Variants in UTP20 observed in about 807,000 individuals in gnomAD.
UTP20 encodes UTP20 small subunit processome component.
UTP20 carries 164 observed loss-of-function variants against 329.5 expected under a neutral mutation model. The ratio of observed to expected loss-of-function variants is 0.50; its 90% CI spans 0.44 to 0.57. The LOEUF (loss-of-function observed/expected upper bound fraction) is 0.57, where lower values mean the gene tolerates loss of function less well. Ranked by LOEUF, UTP20 falls within the 20% of genes least tolerant of loss-of-function variation. The probability of loss-of-function intolerance (pLI) is 0.00; values close to 1 mark genes in which losing one functional copy is unlikely to be tolerated. For synonymous variants in UTP20, 1,151 were observed against 1,159.3 expected (o/e 0.99, Z 0.14); for missense variants, 3,055 against 3,284.2 (o/e 0.93, Z 1.71).
intron 17 of UTP20, 109 bp from the exon 18 acceptor site, chr12:101,308,076 T>G: frequency 1.1e-6 from 1 of 948,936 alleles, no homozygotes; most frequent in Middle Eastern, 3.0e-4. Context: ...ATTAAAAATA[T>G]TAACATATTC....
chr12:101,334,521 T>C lies in UTP20; in HGVS notation c.3641+17T>C. ...AAACGCAAGGTATAACCTTTCTTTT[T>C]TCCTTCTTTAAAAAGGGCAGTGTTT... On this transcript the variant is annotated intron_variant, in intron 29 of 61. Coordinates refer to ENST00000261637, the MANE Select transcript of UTP20 (RefSeq NM_014503.3). 6.2e-7 allele frequency: 1 copy of C among 1,602,504 alleles called. No individual in the cohort carries two copies. Among genetic ancestry groups the C allele is most frequent in the Non-Finnish European group, 8.5e-7 (1 of 1,176,846 alleles).
At chr12:101,363,156 CTAA>C (rs200838969) in intron 44 of UTP20, among the ~76,000 whole-genome samples, 1 of 101,988 alleles carries the variant, frequency 9.8e-6, no homozygotes, top group Non-Finnish European at 1.5e-5. Context: ...ATTAATTAGA[CTAA>C]TAATTAATTA....
At chr12:101,310,747 A>G (rs1048824472) in intron 19 of UTP20, among the ~76,000 whole-genome samples, 4 of 152,022 alleles carry the variant, frequency 2.6e-5, no homozygotes, top group Non-Finnish European at 5.9e-5. Context: ...TTCTTACTTG[A>G]CAGAATAAGA....
At chr12:101,302,381 A>G (rs1872542604) in intron 14 of UTP20, 67 bp from the exon 15 acceptor site, 1 of 903,616 alleles carries the variant, frequency 1.1e-6, no homozygotes, top group African/African-American at 1.7e-5. Context: ...TCAATAAATA[A>G]GGTGTTTGAT....
chr12:101,318,389 C>A (rs1382608770), intron 22 of UTP20, among the ~76,000 whole-genome samples: 1 of 152,166 alleles, frequency 6.6e-6, no homozygotes, highest in Non-Finnish European at 1.5e-5. Flanking sequence ...ATTAGTTCAT[C>A]CATTCAACAA....
chr12:101,374,007 G>A (rs1193012944), intron 54 of UTP20, among the ~76,000 whole-genome samples: 2 of 151,964 alleles, frequency 1.3e-5, no homozygotes, highest in African/African-American at 2.4e-5. Flanking sequence ...AGGCCGAGGC[G>A]GGCGGATCAC....
chr12:101,280,259 G>A lies in UTP20; in HGVS notation c.-24G>A. On this transcript the variant is annotated 5_prime_UTR_variant, in exon 1 of 62. Coordinates refer to ENST00000261637, the MANE Select transcript of UTP20 (RefSeq NM_014503.3). ...TCCCTTCGACACTCCCGAGGCCGTC[G>A]CGGGCCACTGGCCCTCTGCAGCCAT... is the stretch of plus-strand genomic sequence containing the variant. 1 of 1,551,636 alleles carries A rather than the reference G, an allele frequency of 6.4e-7. No homozygotes were observed. Among genetic ancestry groups the A allele is most frequent in the African/African-American group, 1.4e-5 (1 of 73,176 alleles).
At chr12:101,349,174 T>C (rs983156402) in intron 38 of UTP20, among the ~76,000 whole-genome samples, 2 of 152,086 alleles carry the variant, frequency 1.3e-5, no homozygotes, top group African/African-American at 4.8e-5. Context: ...TGTTTTGTTT[T>C]GTTTTTTTGT....
At position 101,356,604 on chromosome 12, in the gene UTP20, T is replaced by A; in HGVS notation, c.5445T>A (p.Asp1815Glu). The A allele has an allele frequency of 6.2e-7, 1 of 1,613,918 alleles. No homozygotes were observed. The highest frequency in any genetic ancestry group is 8.5e-7 in the Non-Finnish European group (1 of 1,179,874). ...HKLVKSKVVN[D>E]EEVVRVPLAF... ...TTGTCAAGTCAAAGGTTGTGAATGA[T>A]GAGGAAGTCGTTCGAGTTCCATTAG... The change falls in exon 42 of 62, where the codon GAT (aspartate) becomes GAA (glutamate). Residue 1815 changes from aspartate to glutamate, a missense_variant. Asp to Glu is a conservative substitution (Grantham distance 45). Coordinates refer to ENST00000261637, the MANE Select transcript of UTP20 (RefSeq NM_014503.3).
Position 101,344,674 on chromosome 12 carries a change from C to CAGAGAA in UTP20, c.4533_4538dup (p.Glu1511_Lys1512dup). ...AAAAAGCTAGCTGCCTTGAATGTCA[C>CAGAGAA]AGAGAAAGACTATAGAGAAATCATC... On this transcript the variant is annotated inframe_insertion, in exon 36 of 62. Coordinates refer to ENST00000261637, the MANE Select transcript of UTP20 (RefSeq NM_014503.3). The CAGAGAA allele has an allele frequency of 6.2e-7, 1 of 1,604,612 alleles. No individual in the cohort carries two copies.
intron 32 of UTP20, 143 bp from the exon 33 acceptor site, chr12:101,342,301 CTT>C: frequency 1.5e-6 from 1 of 658,058 alleles, no homozygotes; most frequent in Non-Finnish European, 2.3e-6. Flanking sequence ...ATGCTAAAAA[CTT>C]TTAAAAGACG....
chr12:101,371,753 T>C (rs373910850), intron 51 of UTP20, among the ~76,000 whole-genome samples: 85 of 152,034 alleles, frequency 5.6e-4, no homozygotes, highest in African/African-American at 1.9e-3. Context: ...AGGATGGTCT[T>C]GATCTCTTGA....
chr12:101,347,489 C>CTCCA (rs1028219318), intron 38 of UTP20, among the ~76,000 whole-genome samples: 1 of 152,002 alleles, frequency 6.6e-6, no homozygotes, highest in Non-Finnish European at 1.5e-5. Context: ...CGCTACTGCA[C>CTCCA]TCCAGCCTGG....
At position 101,320,880 on chromosome 12, in the gene UTP20, A is replaced by C; in HGVS notation, c.2858A>C (p.Gln953Pro). 1 of 1,611,744 alleles carries C rather than the reference A, an allele frequency of 6.2e-7. No individual in the cohort carries two copies. The highest frequency in any genetic ancestry group is 1.1e-5 in the South Asian group (1 of 90,248). The change falls in exon 24 of 62, where the codon CAA becomes CCA. Residue 953 changes from glutamine to proline, a missense_variant. Around this residue, in one of 3 missense-constraint regions of UTP20, gnomAD observed 2,445 missense variants for 2,575.5 expected, o/e 0.95. Transcript: ENST00000261637. ...TTGCTACACCAAGATCAAATGGTGC[A>C]AAAAATAACCTTGGATTGCATAATG... Reference protein sequence around the residue: ...QLLLHQDQMVQKITLDCIMTY... With the variant: ...QLLLHQDQMVPKITLDCIMTY...
Position 101,386,071 on chromosome 12 carries a change from A to C in UTP20, c.8306A>C (p.Lys2769Thr), listed in dbSNP as rs776160013. The change falls in exon 62 of 62, where the codon AAG becomes ACG. Residue 2769 changes from lysine (K) to threonine (T), a missense_variant. Around this residue, in one of 3 missense-constraint regions of UTP20, gnomAD observed 337 missense variants for 345.5 expected, o/e 0.98. Transcript: ENST00000261637. ...ATAGAGTTCCTGCGTCCAGGATATA[A>C]GGCCAAGAGACAAAAAAGCCATAGC... ...RKIEFLRPGYKAKRQKSHSLK... is the reference protein window; with the variant it reads ...RKIEFLRPGYTAKRQKSHSLK... 5 of 1,608,588 alleles carry C rather than the reference A, an allele frequency of 3.1e-6. No homozygotes were observed. Among genetic ancestry groups the C allele is most frequent in the Non-Finnish European group, 3.4e-6 (4 of 1,179,064 alleles).
intron 27 of UTP20, among the ~76,000 whole-genome samples, chr12:101,329,764 G>A (rs1868696444): frequency 6.6e-6 from 1 of 152,112 alleles, no homozygotes; most frequent in Non-Finnish European, 1.5e-5. Context: ...ACCACTTTGG[G>A]AGGCCAAGGT....
chr12:101,360,615 A>T (rs949091969), intron 43 of UTP20, among the ~76,000 whole-genome samples: 2 of 152,192 alleles, frequency 1.3e-5, no homozygotes, highest in Admixed American at 6.5e-5. Flanking sequence ...ACTTGAGGTC[A>T]GGAGTTCAAG....
At chr12:101,368,800 C>T (rs143521065) in intron 48 of UTP20, among the ~76,000 whole-genome samples, 18 of 152,212 alleles carry the variant, frequency 1.2e-4, no homozygotes, top group African/African-American at 3.4e-4. Context: ...ACCTAGGTGC[C>T]GAGAGGTTAA....
rs763458770 is a variant in UTP20, at chr12:101,338,106, A to G, written c.3697A>G (p.Thr1233Ala). 4 of 1,614,166 alleles carry G rather than the reference A, an allele frequency of 2.5e-6. No individual in the cohort carries two copies. In the Admixed American group the frequency reaches 5.0e-5, roughly 20 times the overall value. Reference protein sequence around the residue: ...KPGHPECDILTNVFAILSAKN... With the variant: ...KPGHPECDILANVFAILSAKN... ...TGGGCACCCAGAATGTGATATCCTGACCAATGTTTTTGCAATTCTCTCAGC... is the reference window on the plus strand; with the variant it reads ...TGGGCACCCAGAATGTGATATCCTGGCCAATGTTTTTGCAATTCTCTCAGC... Residue 1233 changes from threonine to alanine, a missense_variant, in exon 30 of 62, where the codon ACC becomes GCC. Physicochemically the swap from Thr to Ala is moderately conservative, Grantham distance 58. This residue lies in a region of UTP20 where 2,445 missense variants were observed against 2,575.5 expected (regional missense o/e 0.95). Coordinates refer to ENST00000261637, the MANE Select transcript of UTP20 (RefSeq NM_014503.3).
Sources: allele counts gnomAD v4.1 joint callset (sites outside exome capture counted in the v4.1 genomes callset), GRCh38; gene constraint gnomAD v4.1.1; regional missense constraint gnomAD v4.1.1; transcripts MANE v1.5; gene names NCBI Gene and HGNC (gene_info 2026-07-23, HGNC 2026-07-21).